Variants in LRP1B observed in about 807,000 individuals in gnomAD.
LRP1B encodes low-density lipoprotein receptor-related protein 1B.
In LRP1B, 217 loss-of-function variants were observed where a neutral mutation model predicts 556.6. The observed-to-expected ratio is 0.39, with a 90% CI of 0.35 to 0.44. The LOEUF (loss-of-function observed/expected upper bound fraction) is 0.44. LRP1B is among the 20% of genes least tolerant of loss of function. LRP1B has a pLI of 1.00. For missense variants in LRP1B, 5,053 were observed against 5,620.8 expected (o/e 0.90, Z 3.23); for synonymous variants, 2,047 against 1,865.8 (o/e 1.10, Z -2.50).
At chr2:141,386,045 G>C (rs879543826) in intron 3 of LRP1B, among the ~76,000 whole-genome samples, 1 of 152,116 alleles carries the variant, frequency 6.6e-6, no homozygotes, top group African/African-American at 2.4e-5. Context: ...TATCTACATG[G>C]ATGGCTAAGA....
At chr2:141,009,397 CT>C (rs1208914957) in intron 14 of LRP1B, among the ~76,000 whole-genome samples, 1 of 151,930 alleles carries the variant, frequency 6.6e-6, no homozygotes, top group African/African-American at 2.4e-5. Context: ...ATGCTTCTTA[CT>C]TTTTTTCTCT....
intron 83 of LRP1B, among the ~76,000 whole-genome samples, chr2:140,303,944 A>T (rs974204148): frequency 6.6e-6 from 1 of 152,116 alleles, no homozygotes; most frequent in Non-Finnish European, 1.5e-5. Context: ...TTTGCTGAGA[A>T]TGATGGTTTC....
In LRP1B at chr2:141,048,308, T is replaced by A. The variant is rs555683948; in HGVS notation, c.1789+678A>T. On this transcript the variant is annotated intron_variant, in intron 11 of 90. Coordinates refer to ENST00000389484, the MANE Select transcript of LRP1B (RefSeq NM_018557.3). ...CTGGTTTGATTTATTATTTGCAATC[T>A]TTTCTACTGATACCAAAGTTAACAT... Among the ~76,000 whole-genome samples the A allele has an allele frequency of 3.9e-5, 6 of 152,188 alleles. No homozygotes were observed. The South Asian group carries it at 1.2e-3, about 32-fold the overall frequency.
chr2:141,495,648 A>T (rs901482186), intron 2 of LRP1B, among the ~76,000 whole-genome samples: 13 of 152,102 alleles, frequency 8.5e-5, no homozygotes, highest in African/African-American at 3.1e-4. Context: ...TGTCAATTCA[A>T]TACCTTTACT....
intron 2 of LRP1B, among the ~76,000 whole-genome samples, chr2:141,495,634 T>C (rs1683483385): frequency 6.6e-6 from 1 of 152,124 alleles, no homozygotes; most frequent in Non-Finnish European, 1.5e-5. Context: ...CTGAAGAAGG[T>C]ATTTGTCAAT....
chr2:141,799,808 C>CTG lies in LRP1B; in HGVS notation c.205+10469_205+10470dup, dbSNP rs145191262. ...AACAATCTGTTTTTAAAGAGTGTGT[C>CTG]TGTGTGTGTGTGTGTGTGTGTGTAT... On this transcript the variant is annotated intron_variant, in intron 2 of 90. Coordinates refer to ENST00000389484, the MANE Select transcript of LRP1B (RefSeq NM_018557.3). 4.8e-3 allele frequency among the ~76,000 whole-genome samples: 713 copies of CTG among 147,704 alleles called. 2 individuals are homozygous for CTG. The highest frequency in any genetic ancestry group is 0.01 in the African/African-American group (395 of 39,466).
intron 5 of LRP1B, among the ~76,000 whole-genome samples, chr2:141,246,930 A>C (rs1375549175): frequency 1.3e-5 from 2 of 152,004 alleles, no homozygotes; most frequent in Non-Finnish European, 2.9e-5. Flanking sequence ...GTGCCATTGC[A>C]CTCCAGCTCC....
At chr2:140,535,414 A>T (rs1399952413) in intron 46 of LRP1B, among the ~76,000 whole-genome samples, 1 of 152,288 alleles carries the variant, frequency 6.6e-6, no homozygotes, top group Middle Eastern at 3.4e-3. Flanking sequence ...TCAATTATGG[A>T]CAAATTACAT....
intron 2 of LRP1B, among the ~76,000 whole-genome samples, chr2:141,651,287 G>A (rs1238241354): frequency 6.6e-6 from 1 of 152,084 alleles, no homozygotes; most frequent in Non-Finnish European, 1.5e-5. Context: ...TAAACATGTA[G>A]CAAGGATTGC....
intron 3 of LRP1B, among the ~76,000 whole-genome samples, chr2:141,465,339 G>T (rs550628315): frequency 6.6e-6 from 1 of 151,534 alleles, no homozygotes; most frequent in Non-Finnish European, 1.5e-5. Flanking sequence ...AAAGAAATGG[G>T]GAAAAAATGG....
chr2:141,479,269 C>T lies in LRP1B; in HGVS notation c.343+1127G>A, dbSNP rs537178860. ...CCAGACCTGGAAAACTGTCAGCCAA[C>T]AAGACCTGTCAGGCCCCCAGACAGG... On this transcript the variant is annotated intron_variant, in intron 3 of 90. Coordinates refer to ENST00000389484, the MANE Select transcript of LRP1B (RefSeq NM_018557.3). Among the ~76,000 whole-genome samples, 8 of 152,300 alleles carry T rather than the reference C, an allele frequency of 5.3e-5. No homozygotes were observed. In the East Asian group the frequency reaches 1.5e-3, roughly 29 times the overall value.
chr2:140,985,761 A>G (rs569301520), intron 17 of LRP1B, among the ~76,000 whole-genome samples: 2 of 152,012 alleles, frequency 1.3e-5, no homozygotes, highest in South Asian at 4.2e-4. Flanking sequence ...TTCCCAGTGA[A>G]ATATTTCTAC....
chr2:140,822,730 A>G (rs1691370066), intron 31 of LRP1B, among the ~76,000 whole-genome samples: 1 of 152,174 alleles, frequency 6.6e-6, no homozygotes, highest in Admixed American at 6.5e-5. Flanking sequence ...CTTGAAAAGT[A>G]TCAGCTTTAT....
intron 43 of LRP1B, among the ~76,000 whole-genome samples, chr2:140,556,971 T>C (rs1397631217): frequency 6.6e-6 from 1 of 152,096 alleles, no homozygotes; most frequent in Admixed American, 6.6e-5. Flanking sequence ...TCCTAAGATA[T>C]TTCTTAATAT....
chr2:141,572,277 C>A (rs1377491872), intron 2 of LRP1B, among the ~76,000 whole-genome samples: 1 of 152,106 alleles, frequency 6.6e-6, no homozygotes, highest in African/African-American at 2.4e-5. Flanking sequence ...GGTCAATATA[C>A]AACATTCTTA....
intron 25 of LRP1B, among the ~76,000 whole-genome samples, chr2:140,871,267 A>C (rs1693119482): frequency 6.6e-6 from 1 of 152,174 alleles, no homozygotes; most frequent in African/African-American, 2.4e-5. Flanking sequence ...AGGTGAGAAA[A>C]TGGATGTAAA....
At position 141,958,020 on chromosome 2, in the gene LRP1B, C is replaced by T. The variant is rs550089691; in HGVS notation, c.83-147619G>A. 6.6e-5 allele frequency among the ~76,000 whole-genome samples: 10 copies of T among 152,144 alleles called. No individual in the cohort carries two copies. The South Asian group carries it at 1.2e-3, about 19-fold the overall frequency. ...TCTCTGTGAGTGTTGTAATCTCAAT[C>T]CTGACTCACTGAAGAGCTTGAAAAT... On this transcript the variant is annotated intron_variant, in intron 1 of 90. Coordinates refer to ENST00000389484, the MANE Select transcript of LRP1B (RefSeq NM_018557.3).
intron 3 of LRP1B, among the ~76,000 whole-genome samples, chr2:141,465,247 G>T (rs1682137693): frequency 6.6e-6 from 1 of 152,178 alleles, no homozygotes; most frequent in South Asian, 2.1e-4. Context: ...GCTTGTATTT[G>T]AAGGCATAAA....
intron 1 of LRP1B, among the ~76,000 whole-genome samples, chr2:142,008,152 AC>A (rs1032206704): frequency 5.3e-5 from 8 of 152,160 alleles, no homozygotes; most frequent in African/African-American, 1.9e-4. Flanking sequence ...TTGTTAGGCT[AC>A]CCAAGTGGGC....
Sources: allele counts gnomAD v4.1 joint callset (sites outside exome capture counted in the v4.1 genomes callset), GRCh38; gene constraint gnomAD v4.1.1; transcripts MANE v1.5; gene names NCBI Gene and HGNC (gene_info 2026-07-23, HGNC 2026-07-21).